The following TSHZ2 variants were observed in gnomAD, a reference collection of about 807,000 sequenced individuals.
The protein encoded by TSHZ2 is teashirt zinc finger homeobox 2, also known as teashirt homolog 2.
A neutral mutation model predicts 74.4 loss-of-function variants in TSHZ2; 21 were observed. That is an observed-to-expected ratio of 0.28 (90% CI 0.20 to 0.41). TSHZ2 has a LOEUF of 0.41. TSHZ2 is among the 10% of genes least tolerant of loss of function. The pLI is 1.00. For synonymous variants in TSHZ2, 540 were observed against 515.3 expected (o/e 1.05, Z -0.65); for missense variants, 1,244 against 1,293.5 (o/e 0.96, Z 0.59).
intron 1 of TSHZ2, among the ~76,000 whole-genome samples, chr20:53,020,228 C>T (rs1983192550): frequency 6.6e-6 from 1 of 152,214 alleles, no homozygotes; most frequent in Admixed American, 6.5e-5. Flanking sequence ...AACCATGTCA[C>T]TTCGTCACCA....
intron 2 of TSHZ2, among the ~76,000 whole-genome samples, chr20:53,482,940 A>T (rs6013707): frequency 0.21 from 31,611 of 152,028 alleles, 3,458 homozygotes; most frequent in East Asian, 0.3. Flanking sequence ...AATAATTTTT[A>T]AAAAATAATA....
At chr20:53,374,935 A>C (rs1002936970) in intron 2 of TSHZ2, among the ~76,000 whole-genome samples, 12 of 152,118 alleles carry the variant, frequency 7.9e-5, no homozygotes, top group South Asian at 2.1e-4. Flanking sequence ...AAAAAAAAAA[A>C]AAAACACTAT....
chr20:53,121,698 A>G (rs1340345642), intron 1 of TSHZ2, among the ~76,000 whole-genome samples: 1 of 152,218 alleles, frequency 6.6e-6, no homozygotes, highest in Admixed American at 6.5e-5. Context: ...TTAAAAGTGT[A>G]TAAACACCAA....
At chr20:53,382,108 C>A (rs758627164) in intron 2 of TSHZ2, among the ~76,000 whole-genome samples, 2 of 152,198 alleles carry the variant, frequency 1.3e-5, no homozygotes. Flanking sequence ...AACTTACCTG[C>A]GGAATCTTTC....
intron 1 of TSHZ2, among the ~76,000 whole-genome samples, chr20:53,040,192 G>T (rs924173576): frequency 3.3e-5 from 5 of 152,208 alleles, no homozygotes; most frequent in Non-Finnish European, 5.9e-5. Flanking sequence ...CAGAGACGAG[G>T]CCTGTCTGAC....
Position 53,254,884 on chromosome 20 carries a change from G to A in TSHZ2, c.1426G>A (p.Glu476Lys). 1 of 1,614,178 alleles carries A rather than the reference G, an allele frequency of 6.2e-7. No homozygotes were observed. The highest frequency in any genetic ancestry group is 8.5e-7 in the Non-Finnish European group (1 of 1,180,030). ...AAGGCCAGAGGAAACCAGCAAGGAT[G>A]AGAAAGTCGTGAAAAGCGAGGACTA... The part of the protein sequence containing the change: ...KERPEETSKD[E>K]KVVKSEDYED... Residue 476 changes from glutamate (E) to lysine (K), a missense_variant, in exon 2 of 3, where the codon GAG (glutamate) becomes AAG (lysine). This residue lies in a region of TSHZ2 where 562 missense variants were observed against 544.0 expected (regional missense o/e 1.03). Transcript: ENST00000371497.
rs74177489 is a variant in TSHZ2, at chr20:53,340,177, C to CTTTTTTTTTTTTTT, written c.*8+83612_*8+83613insTTTTTTTTTTTTTT. Among the ~76,000 whole-genome samples the CTTTTTTTTTTTTTT allele has an allele frequency of 4.8e-3, 450 of 93,966 alleles. 30 individuals carry two copies. The highest frequency in any genetic ancestry group is 6.2e-3 in the Non-Finnish European group (312 of 50,546). 61.6% of individuals were successfully genotyped at this position (93,966 alleles called of 152,430 possible). Reference sequence around the variant, plus strand: ...GGATAAAACAAGGTGACTTTTCTTTCTTTTTTCTTTTTTTTTTTTTTTTGA... The same window carrying CTTTTTTTTTTTTTT: ...GGATAAAACAAGGTGACTTTTCTTTCTTTTTTTTTTTTTTTTTTTTCTTTTTTTTTTTTTTTTGA... On this transcript the variant is annotated intron_variant, in intron 2 of 2. Transcript: ENST00000371497.
In TSHZ2 at chr20:53,242,142, A is replaced by G. The variant is rs558988607; in HGVS notation, c.41-11357A>G. On this transcript the variant is annotated intron_variant, in intron 1 of 2. Coordinates refer to ENST00000371497, the MANE Select transcript of TSHZ2 (RefSeq NM_173485.6). Reference sequence around the variant, plus strand: ...TTTGACTTTGCAGCATTTCTAAGCTATTGACATATTGAGGCTGTATAATTC... The same window carrying G: ...TTTGACTTTGCAGCATTTCTAAGCTGTTGACATATTGAGGCTGTATAATTC... Among the ~76,000 whole-genome samples, 7 of 152,260 alleles carry G rather than the reference A, an allele frequency of 4.6e-5. No individual in the cohort carries two copies. The South Asian group carries it at 1.5e-3, about 32-fold the overall frequency.
At chr20:53,429,147 C>G (rs906278722) in intron 2 of TSHZ2, among the ~76,000 whole-genome samples, 2 of 152,176 alleles carry the variant, frequency 1.3e-5, no homozygotes, top group Admixed American at 1.3e-4. Flanking sequence ...TTTGACTTCA[C>G]TGAGGTTTAG....
intron 1 of TSHZ2, among the ~76,000 whole-genome samples, chr20:53,005,110 G>A (rs374495925): frequency 3.3e-5 from 5 of 152,068 alleles, no homozygotes; most frequent in African/African-American, 7.2e-5. Flanking sequence ...TCAGGAGTTC[G>A]AGACCAGCCT....
chr20:53,143,386 A>G (rs760896754), intron 1 of TSHZ2, among the ~76,000 whole-genome samples: 7 of 152,220 alleles, frequency 4.6e-5, no homozygotes, highest in Non-Finnish European at 7.3e-5. Flanking sequence ...TGAGAAACAC[A>G]TTCTTCACAA....
At chr20:52,992,682 G>A (rs1414931232) in intron 1 of TSHZ2, among the ~76,000 whole-genome samples, 4 of 152,134 alleles carry the variant, frequency 2.6e-5, no homozygotes, top group Admixed American at 6.5e-5. Context: ...AAAGGAAGGT[G>A]GAAAAGTTGG....
At chr20:53,443,592 G>T (rs1193758841) in intron 2 of TSHZ2, among the ~76,000 whole-genome samples, 1 of 152,152 alleles carries the variant, frequency 6.6e-6, no homozygotes, top group Non-Finnish European at 1.5e-5. Context: ...CGATCTTCAG[G>T]TATCATCTGT....
rs1444282706 is a variant in TSHZ2, at chr20:53,256,551, G to A, written c.3093G>A (p.Val1031=). 1.3e-6 allele frequency: 2 copies of A among 1,587,636 alleles called. No individual in the cohort carries two copies. The highest frequency in any genetic ancestry group is 3.4e-5 in the Admixed American group (2 of 58,854). ...ACCATTCACAGTTTGTAACAGACGT[G>A]GATGAAGAATAGCTCTGCAGGTATG... The part of the protein sequence containing the change: ...PEHHSQFVTD[V]DEE The change falls in exon 2 of 3, where the codon GTG becomes GTA. Residue 1031 remains valine (V), a synonymous_variant. Coordinates refer to ENST00000371497, the MANE Select transcript of TSHZ2 (RefSeq NM_173485.6). The surrounding 1 kb of genome is among the most constrained non-coding windows in gnomAD (Gnocchi z 4.3).
At chr20:53,464,842 C>G (rs528381636) in intron 2 of TSHZ2, among the ~76,000 whole-genome samples, 144 of 152,178 alleles carry the variant, frequency 9.5e-4, no homozygotes, top group African/African-American at 3.4e-3. Flanking sequence ...TTACAGCTCA[C>G]TGCAGCCTTA....
intron 2 of TSHZ2, among the ~76,000 whole-genome samples, chr20:53,304,552 C>G (rs1191136809): frequency 6.6e-6 from 1 of 152,120 alleles, no homozygotes; most frequent in Non-Finnish European, 1.5e-5. Flanking sequence ...ATAAAATTGC[C>G]TGCCCCAAAC....
chr20:53,414,679 T>TA (rs1444747588), intron 2 of TSHZ2, among the ~76,000 whole-genome samples: 1 of 152,032 alleles, frequency 6.6e-6, no homozygotes, highest in African/African-American at 2.4e-5. Context: ...TTTATTTAAT[T>TA]AAAAAATGAA....
chr20:53,447,377 C>T (rs74809445), intron 2 of TSHZ2, among the ~76,000 whole-genome samples: 3 of 152,154 alleles, frequency 2.0e-5, no homozygotes, highest in Admixed American at 2.0e-4. Context: ...TTTTTTACAC[C>T]TTTTATTTTG....
At chr20:53,471,250 A>C (rs1336302750) in intron 2 of TSHZ2, among the ~76,000 whole-genome samples, 2 of 152,154 alleles carry the variant, frequency 1.3e-5, no homozygotes, top group Non-Finnish European at 1.5e-5. Context: ...AGTGATAAAT[A>C]CTTTAAAACC....
Sources: gnomAD v4.1 joint callset for allele counts (sites outside exome capture counted in the v4.1 genomes callset) on GRCh38, gnomAD v4.1.1 for gene constraint, gnomAD v4.1.1 regional missense constraint, Gnocchi (gnomAD v3.1) non-coding constraint, MANE v1.5 for transcripts, NCBI Gene and HGNC (gene_info 2026-07-23, HGNC 2026-07-21) for gene names.